KLHL29: variants seen among roughly 807,000 people sequenced by gnomAD.
KLHL29 encodes kelch like family member 29.
In KLHL29, 21 loss-of-function variants were observed where a neutral mutation model predicts 80.4. The ratio of observed to expected loss-of-function variants is 0.26; its 90% CI spans 0.19 to 0.38. The LOEUF (loss-of-function observed/expected upper bound fraction) is 0.38, where lower values mean the gene tolerates loss of function less well. Among genes scored for constraint, KLHL29 ranks in the 10% least tolerant of loss-of-function variants. KLHL29 has a pLI of 1.00. For missense variants in KLHL29, 867 were observed against 1,223.9 expected (o/e 0.71, Z 4.35); for synonymous variants, 511 against 526.8 (o/e 0.97, Z 0.41).
chr2:23,701,133 C>T (rs1257687039), intron 11 of KLHL29, among the ~76,000 whole-genome samples: 1 of 152,184 alleles, frequency 6.6e-6, no homozygotes, highest in East Asian at 1.9e-4. Context: ...CTTCCCATCC[C>T]ACCAGTAGTG....
intron 5 of KLHL29, among the ~76,000 whole-genome samples, chr2:23,677,533 C>T (rs756690862): frequency 2.0e-5 from 3 of 152,200 alleles, no homozygotes; most frequent in Non-Finnish European, 4.4e-5. Flanking sequence ...AGGTGCCGCC[C>T]GCAGGTGGTT....
chr2:23,609,687 A>G (rs1040051527), intron 3 of KLHL29, among the ~76,000 whole-genome samples: 1 of 152,072 alleles, frequency 6.6e-6, no homozygotes, highest in Non-Finnish European at 1.5e-5. Flanking sequence ...AATAATGATG[A>G]CAAATACATA....
At chr2:23,394,312 G>T (rs1372009345) in intron 1 of KLHL29, among the ~76,000 whole-genome samples, 1 of 152,154 alleles carries the variant, frequency 6.6e-6, no homozygotes, top group Non-Finnish European at 1.5e-5. Flanking sequence ...TATATATTCA[G>T]CTCCTGGAGC....
At chr2:23,443,810 T>C (rs148284609) in intron 1 of KLHL29, among the ~76,000 whole-genome samples, 1 of 152,234 alleles carries the variant, frequency 6.6e-6, no homozygotes, top group African/African-American at 2.4e-5. Flanking sequence ...GCGATGCCAT[T>C]GTGAAGGTAG....
At chr2:23,637,630 G>A (rs1334058395) in intron 3 of KLHL29, among the ~76,000 whole-genome samples, 1 of 152,148 alleles carries the variant, frequency 6.6e-6, no homozygotes, top group Non-Finnish European at 1.5e-5. Flanking sequence ...CCTCCAGCAG[G>A]CCCTTACATA....
intron 4 of KLHL29, among the ~76,000 whole-genome samples, chr2:23,642,134 G>C (rs908623193): frequency 6.6e-6 from 1 of 152,098 alleles, no homozygotes; most frequent in Non-Finnish European, 1.5e-5. Context: ...TTCCTCCTCT[G>C]AGCCCCGATG....
At chr2:23,703,610 T>C in intron 12 of KLHL29, 109 bp from the exon 13 acceptor site, 1 of 1,334,518 alleles carries the variant, frequency 7.5e-7, no homozygotes, top group African/African-American at 1.5e-5. Flanking sequence ...AATCAGTCAC[T>C]TGTTGGAAGT....
intron 1 of KLHL29, among the ~76,000 whole-genome samples, chr2:23,392,931 T>A (rs1444521150): frequency 3.9e-5 from 6 of 152,232 alleles, no homozygotes; most frequent in Non-Finnish European, 8.8e-5. Flanking sequence ...GCATGATACC[T>A]TTTGGATTTG....
chr2:23,637,687 C>T (rs1238442798), intron 3 of KLHL29, among the ~76,000 whole-genome samples: 6 of 152,156 alleles, frequency 3.9e-5, no homozygotes, highest in Non-Finnish European at 8.8e-5. Flanking sequence ...CAAGTGTTGC[C>T]CAGCCTCCGC....
chr2:23,434,947 A>G (rs927900347), intron 1 of KLHL29, among the ~76,000 whole-genome samples: 1 of 152,196 alleles, frequency 6.6e-6, no homozygotes, highest in Non-Finnish European at 1.5e-5. Flanking sequence ...GGAAGTGGGA[A>G]GAAGGGTTGG....
intron 2 of KLHL29, among the ~76,000 whole-genome samples, chr2:23,527,461 C>G (rs2103475162): frequency 6.6e-6 from 1 of 152,354 alleles, no homozygotes; most frequent in East Asian, 1.9e-4. Context: ...CTGTGGAGCC[C>G]AGAGCAGGGA....
chr2:23,420,434 C>T (rs985084199), intron 1 of KLHL29, among the ~76,000 whole-genome samples: 1 of 152,238 alleles, frequency 6.6e-6, no homozygotes, highest in Non-Finnish European at 1.5e-5. Context: ...CGGAATCCCA[C>T]AGGAACACAG....
intron 5 of KLHL29, among the ~76,000 whole-genome samples, chr2:23,679,910 C>T (rs2712106): frequency 0.13 from 20,361 of 151,836 alleles, 1,509 homozygotes; most frequent in South Asian, 0.17. Flanking sequence ...GCGGAGGGGA[C>T]GGAGACTTGG....
At position 23,396,046 on chromosome 2, in the gene KLHL29, G is replaced by A. The variant is rs550101759; in HGVS notation, c.-154+10266G>A. Among the ~76,000 whole-genome samples the A allele has an allele frequency of 7.2e-5, 11 of 152,374 alleles. No homozygotes were observed. The East Asian group carries it at 2.1e-3, about 29-fold the overall frequency. On this transcript the variant is annotated intron_variant, in intron 1 of 13. Coordinates refer to ENST00000486442, the MANE Select transcript of KLHL29 (RefSeq NM_052920.2). The stretch of plus-strand genomic sequence containing the variant: ...ACCTAGCTGCAGTTGTCTTGCCAAA[G>A]CAAGACATGTCCCGTGATTTTATAA...
intron 3 of KLHL29, among the ~76,000 whole-genome samples, chr2:23,563,181 A>G (rs1379666005): frequency 6.6e-6 from 1 of 152,250 alleles, no homozygotes; most frequent in African/African-American, 2.4e-5. Flanking sequence ...AGCCTTGGGA[A>G]TGGCAACAGA....
chr2:23,599,307 C>G lies in KLHL29; in HGVS notation c.285+36826C>G, dbSNP rs144130243. 2.5e-3 allele frequency among the ~76,000 whole-genome samples: 381 copies of G among 152,162 alleles called. 3 individuals carry two copies. The highest frequency in any genetic ancestry group is 8.8e-3 in the African/African-American group (367 of 41,512). ...AGTAGGGAAAGTAAAATAGCCCTTA[C>G]AAGTTGGTGTAGAAAATGTCAAGGA... On this transcript the variant is annotated intron_variant, in intron 3 of 13. Transcript: ENST00000486442.
intron 2 of KLHL29, among the ~76,000 whole-genome samples, chr2:23,484,287 TCA>T (rs747028772): frequency 2.0e-5 from 3 of 152,146 alleles, no homozygotes; most frequent in Non-Finnish European, 4.4e-5. Flanking sequence ...GATTTCAGCC[TCA>T]CACACAGAGC....
intron 2 of KLHL29, among the ~76,000 whole-genome samples, chr2:23,530,645 T>TAAGTAGC (rs1666462649): frequency 6.6e-6 from 1 of 152,170 alleles, no homozygotes; most frequent in African/African-American, 2.4e-5. Flanking sequence ...TTCAATGCAG[T>TAAGTAGC]AAGTAGCAAG....
intron 1 of KLHL29, among the ~76,000 whole-genome samples, chr2:23,461,486 T>C (rs1346565890): frequency 1.3e-5 from 2 of 152,230 alleles, no homozygotes; most frequent in Non-Finnish European, 2.9e-5. Context: ...TCTTGTTGAT[T>C]AGGAGTTCTC....
Sources: gnomAD v4.1 joint callset for allele counts (sites outside exome capture counted in the v4.1 genomes callset) on GRCh38, gnomAD v4.1.1 for gene constraint, MANE v1.5 for transcripts, NCBI Gene and HGNC (gene_info 2026-07-23, HGNC 2026-07-21) for gene names.